NRF1: variants seen among roughly 807,000 people sequenced by gnomAD.
NRF1 encodes the protein nuclear respiratory factor 1.
NRF1 carries 5 observed loss-of-function variants against 58.5 expected under a neutral mutation model. That is an observed-to-expected ratio of 0.09 (90% CI 0.04 to 0.18). The LOEUF is 0.18. NRF1 is among the 10% of genes least tolerant of loss of function. The pLI is 1.00. For synonymous variants in NRF1, 224 were observed against 246.7 expected (o/e 0.91, Z 0.86); for missense variants, 288 against 657.7 (o/e 0.44, Z 6.15).
intron 9 of NRF1, among the ~76,000 whole-genome samples, chr7:129,725,040 A>G (rs1476040083): frequency 6.6e-6 from 1 of 152,186 alleles, no homozygotes; most frequent in African/African-American, 2.4e-5. Flanking sequence ...GCAAGATCCC[A>G]TCTCTAAAAA....
At chr7:129,724,344 C>A (rs10243809) in intron 9 of NRF1, among the ~76,000 whole-genome samples, 1 of 152,022 alleles carries the variant, frequency 6.6e-6, no homozygotes, top group Non-Finnish European at 1.5e-5. Flanking sequence ...CACCTCACAC[C>A]CATTAAGATG....
In NRF1 at chr7:129,614,486, T is replaced by C. The variant is rs1584572307; in HGVS notation, c.-7+2662T>C. Among the ~76,000 whole-genome samples, 3 of 41,780 alleles carry C rather than the reference T, an allele frequency of 7.2e-5. No homozygotes were observed. The South Asian group carries it at 2.1e-3, about 29-fold the overall frequency. The allele number at this position is 41,780 out of a possible 152,430, so 27.4% of individuals were successfully genotyped here. Reference sequence around the variant, plus strand: ...GTGTGTACATACATATATATAATTTTTTTTTTTAAGTTAGAGATGGGGATC... The same window carrying C: ...GTGTGTACATACATATATATAATTTCTTTTTTTAAGTTAGAGATGGGGATC... On this transcript the variant is annotated intron_variant, in intron 1 of 10. Transcript: ENST00000393232.
At chr7:129,617,037 A>G (rs771799159) in intron 1 of NRF1, among the ~76,000 whole-genome samples, 19 of 152,286 alleles carry the variant, frequency 1.2e-4, no homozygotes, top group Non-Finnish European at 2.4e-4. Context: ...TTTAATATGC[A>G]TTGTATTTCG....
intron 1 of NRF1, among the ~76,000 whole-genome samples, chr7:129,619,431 T>TACACACACAC (rs1188708134): frequency 2.8e-5 from 2 of 71,532 alleles, no homozygotes; most frequent in African/African-American, 1.5e-4. Context: ...TATATATATA[T>TACACACACAC]ATACACACAC....
chr7:129,613,400 C>T (rs1800586080), intron 1 of NRF1, among the ~76,000 whole-genome samples: 1 of 152,138 alleles, frequency 6.6e-6, no homozygotes, highest in Non-Finnish European at 1.5e-5. Context: ...GACTAGTTCT[C>T]TCCGTGCATC....
At chr7:129,735,119 T>C (rs186245203) in intron 10 of NRF1, 3 of 985,466 alleles carry the variant, frequency 3.0e-6, no homozygotes, top group African/African-American at 1.7e-5. Context: ...AGAGCACATC[T>C]GTCTCCGCTG....
At chr7:129,623,114 A>G (rs190190338) in intron 1 of NRF1, among the ~76,000 whole-genome samples, 115 of 152,324 alleles carry the variant, frequency 7.5e-4, no homozygotes, top group Admixed American at 3.9e-3. Flanking sequence ...GGGCTTGCCA[A>G]TGAAAGCTAA....
chr7:129,650,770 G>C (rs1179609851), intron 1 of NRF1, among the ~76,000 whole-genome samples: 1 of 151,964 alleles, frequency 6.6e-6, no homozygotes, highest in Non-Finnish European at 1.5e-5. Context: ...TAGCTTAGAG[G>C]TTGAGTAACT....
intron 1 of NRF1, among the ~76,000 whole-genome samples, chr7:129,615,117 T>A (rs1435407009): frequency 6.6e-6 from 1 of 152,216 alleles, no homozygotes; most frequent in Non-Finnish European, 1.5e-5. Context: ...GCATGCTGAT[T>A]TTTTGGTTTC....
chr7:129,678,959 C>A (rs1367728262), intron 4 of NRF1, among the ~76,000 whole-genome samples: 1 of 152,002 alleles, frequency 6.6e-6, no homozygotes, highest in Non-Finnish European at 1.5e-5. Flanking sequence ...AGCATTTTAC[C>A]TTTGACTGAC....
rs186336338 is a variant in NRF1 at position 129,690,353 on chromosome 7, A to G, written c.466-53A>G. 1.1e-4 allele frequency: 169 copies of G among 1,581,470 alleles called. No individual in the cohort carries two copies. The African/African-American group carries it at 1.8e-3, about 17-fold the overall frequency. The stretch of plus-strand genomic sequence containing the variant: ...CCCACTCTCTTGTTGCTTGGCACCA[A>G]TCCTCCCTGGTTGTTGGGCATCTTG... On this transcript the variant is annotated intron_variant, in intron 4 of 10. Transcript: ENST00000393232.
intron 3 of NRF1, among the ~76,000 whole-genome samples, chr7:129,671,886 C>T (rs1357540832): frequency 1.3e-5 from 2 of 152,000 alleles, no homozygotes; most frequent in Non-Finnish European, 2.9e-5. Flanking sequence ...AATATGTCAG[C>T]TGATGATAAG....
rs6949967 is a variant in NRF1, at chr7:129,732,933, T to A, written c.1348+5568T>A. Among the ~76,000 whole-genome samples, 1,353 of 151,988 alleles carry A rather than the reference T, an allele frequency of 8.9e-3. 22 individuals carry two copies. The highest frequency in any genetic ancestry group is 0.031 in the African/African-American group (1,285 of 41,482). ...TAAAAATACAAAAATTAGCCGGGCA[T>A]GGTGGTGGGCACCTATAATCCCAGC... On this transcript the variant is annotated intron_variant, in intron 10 of 10. Coordinates refer to ENST00000393232, the MANE Select transcript of NRF1 (RefSeq NM_005011.5).
intron 5 of NRF1, among the ~76,000 whole-genome samples, chr7:129,706,824 C>G (rs1206670120): frequency 1.3e-5 from 2 of 152,054 alleles, no homozygotes; most frequent in African/African-American, 4.8e-5. Context: ...AGAAGTGAAG[C>G]GATCACCAGA....
chr7:129,633,106 C>G (rs1028689876), intron 1 of NRF1, among the ~76,000 whole-genome samples: 1 of 152,110 alleles, frequency 6.6e-6, no homozygotes, highest in African/African-American at 2.4e-5. Flanking sequence ...AATTTACTAC[C>G]TATACCAGAT....
intron 1 of NRF1, among the ~76,000 whole-genome samples, chr7:129,648,175 A>G (rs1801452405): frequency 6.6e-6 from 1 of 151,864 alleles, no homozygotes. Context: ...TTATAGTTTA[A>G]CTGTTTTGTT....
intron 1 of NRF1, among the ~76,000 whole-genome samples, chr7:129,621,274 G>T (rs140853909): frequency 6.6e-6 from 1 of 152,134 alleles, no homozygotes; most frequent in Non-Finnish European, 1.5e-5. Context: ...GGATTAATTT[G>T]TGATTTTTCT....
intron 8 of NRF1, 25 bp downstream of exon 8, chr7:129,711,601 C>G (rs747417663): frequency 6.4e-7 from 1 of 1,562,402 alleles, no homozygotes; most frequent in Non-Finnish European, 8.8e-7. Flanking sequence ...CCATCTGCAT[C>G]TTCTTAAATA....
chr7:129,659,585 C>G (rs1204827198), intron 2 of NRF1, among the ~76,000 whole-genome samples: 1 of 152,164 alleles, frequency 6.6e-6, no homozygotes, highest in Non-Finnish European at 1.5e-5. Flanking sequence ...GTATGGAATT[C>G]TAGCTTGGTG....
Sources: allele counts gnomAD v4.1 joint callset (sites outside exome capture counted in the v4.1 genomes callset), GRCh38; gene constraint gnomAD v4.1.1; transcripts MANE v1.5; gene names NCBI Gene and HGNC (gene_info 2026-07-23, HGNC 2026-07-21).